The following ZNF638 variants were observed in gnomAD, a reference collection of about 807,000 sequenced individuals.
ZNF638 encodes CTCL tumor antigen se33-1.
Under a neutral mutation model 195.6 loss-of-function variants are expected in ZNF638, and 46 were observed. The ratio of observed to expected loss-of-function variants is 0.24; its 90% confidence interval spans 0.19 to 0.30. The LOEUF is 0.30. Ranked by LOEUF, ZNF638 falls within the 10% of genes least tolerant of loss-of-function variation. ZNF638 has a pLI of 1.00. For synonymous variants in ZNF638, 845 were observed against 772.0 expected (o/e 1.09, Z -1.57); for missense variants, 2,440 against 2,325.3 (o/e 1.05, Z -1.01).
At chr2:71,347,387 G>A (rs1266460542) in intron 1 of ZNF638, among the ~76,000 whole-genome samples, 2 of 151,970 alleles carry the variant, frequency 1.3e-5, no homozygotes, top group Non-Finnish European at 2.9e-5. Flanking sequence ...AGGGAAGGGT[G>A]TTAACCAGAT....
At chr2:71,366,335 G>T (rs1267431518) in intron 6 of ZNF638, among the ~76,000 whole-genome samples, 1 of 150,154 alleles carries the variant, frequency 6.7e-6, no homozygotes, top group Non-Finnish European at 1.5e-5. Context: ...ACTCCAGCCT[G>T]AACTACAGAA....
At chr2:71,427,494 A>T in intron 24 of ZNF638, 80 bp downstream of exon 24, 1 of 1,044,812 alleles carries the variant, frequency 9.6e-7, no homozygotes, top group South Asian at 1.8e-5. Context: ...ATGTTGTGGC[A>T]TTACCAATAA....
intron 1 of ZNF638, among the ~76,000 whole-genome samples, chr2:71,339,155 T>TG (rs2078721011): frequency 1.5e-5 from 2 of 136,132 alleles, no homozygotes; most frequent in African/African-American, 6.5e-5. Context: ...TTTAGGTTTT[T>TG]TTTTTTTTTT....
chr2:71,397,367 T>C lies in ZNF638; in HGVS notation c.2428+1176T>C, dbSNP rs148844266. On this transcript the variant is annotated intron_variant, in intron 11 of 27. Transcript: ENST00000264447. ...GTTTACTGCAGTGTGGCAAAAGTCG[T>C]GAATGACAAGTTACGTGACAAGCTA... Among the ~76,000 whole-genome samples, 942 of 152,326 alleles carry C rather than the reference T, an allele frequency of 6.2e-3. 6 individuals are homozygous for C. The highest frequency in any genetic ancestry group is 0.02 in the African/African-American group (823 of 41,570).
In ZNF638 at chr2:71,354,581, C is replaced by A. The variant is rs1016271894; in HGVS notation, c.1318-1138C>A. ...TGAAACCCTGTCTCTATTAAAAATACAAAAATTCACCAGGCTTGGTGGCAC... is the reference window on the plus strand; with the variant it reads ...TGAAACCCTGTCTCTATTAAAAATAAAAAAATTCACCAGGCTTGGTGGCAC... On this transcript the variant is annotated intron_variant, in intron 2 of 27. Coordinates refer to ENST00000264447, the MANE Select transcript of ZNF638 (RefSeq NM_014497.5). 3.9e-5 allele frequency among the ~76,000 whole-genome samples: 6 copies of A among 152,000 alleles called. No homozygotes were observed. In the South Asian group the frequency reaches 8.3e-4, roughly 21 times the overall value.
chr2:71,396,318 A>G, intron 11 of ZNF638, 127 bp downstream of exon 11: 1 of 699,112 alleles, frequency 1.4e-6, no homozygotes, highest in Non-Finnish European at 2.4e-6. Context: ...AATCTTTGAG[A>G]TTTATAATCA....
intron 8 of ZNF638, chr2:71,375,790 T>G (rs191475641): frequency 2.6e-5 from 4 of 152,314 alleles, no homozygotes; most frequent in Non-Finnish European, 5.9e-5. Context: ...CCTAGCAGAT[T>G]GATTAAAGTG....
At chr2:71,422,422 G>A (rs2080451486) in intron 21 of ZNF638, among the ~76,000 whole-genome samples, 1 of 152,042 alleles carries the variant, frequency 6.6e-6, no homozygotes, top group South Asian at 2.1e-4. Flanking sequence ...TGGATCATTA[G>A]TTTTATTGTA....
intron 20 of ZNF638, among the ~76,000 whole-genome samples, chr2:71,417,439 G>T (rs2080322612): frequency 6.6e-6 from 1 of 152,080 alleles, no homozygotes; most frequent in Non-Finnish European, 1.5e-5. Context: ...CCCGTCTTCT[G>T]CGTCGCTCAC....
rs112710349 is a variant in ZNF638, at chr2:71,402,103, T to C, written c.2829+16T>C. The C allele has an allele frequency of 3.8e-6, 6 of 1,598,260 alleles. No homozygotes were observed. The African/African-American group carries it at 4.0e-5, about 11-fold the overall frequency. ...TCATAAAAAGGTAAGAGTTGATTAA[T>C]AGCTGTTCATATCCTCTGCAAGCAT... On this transcript the variant is annotated intron_variant, in intron 16 of 27. Transcript: ENST00000264447.
chr2:71,338,421 T>C (rs1288624918), intron 1 of ZNF638, among the ~76,000 whole-genome samples: 2 of 152,224 alleles, frequency 1.3e-5, no homozygotes, highest in Non-Finnish European at 2.9e-5. Flanking sequence ...CAGTTCTTTC[T>C]TGCTTTCTCC....
At chr2:71,343,700 T>A (rs187775456) in intron 1 of ZNF638, among the ~76,000 whole-genome samples, 241 of 152,290 alleles carry the variant, frequency 1.6e-3, no homozygotes, top group Non-Finnish European at 2.1e-3. Flanking sequence ...TTTCTTAACC[T>A]TTTTGGGTCA....
At position 71,348,864 on chromosome 2, in the gene ZNF638, T is replaced by A; in HGVS notation, c.-91T>A. 1 of 1,612,622 alleles carries A rather than the reference T, an allele frequency of 6.2e-7. No individual in the cohort carries two copies. The highest frequency in any genetic ancestry group is 8.5e-7 in the Non-Finnish European group (1 of 1,179,898). On this transcript the variant is annotated 5_prime_UTR_variant, in exon 2 of 28. Coordinates refer to ENST00000264447, the MANE Select transcript of ZNF638 (RefSeq NM_014497.5). ...CTTTGCACTTTGCTCAGATTAAGAC[T>A]CAGTTGGCGCTTCAGCAGCTGAATG...
intron 15 of ZNF638, 23 bp from the exon 16 acceptor site, chr2:71,401,933 G>T: frequency 1.3e-6 from 2 of 1,540,200 alleles, no homozygotes; most frequent in Non-Finnish European, 1.8e-6. Context: ...TTTAATAACA[G>T]GTTTTAAAAA....
intron 1 of ZNF638, among the ~76,000 whole-genome samples, chr2:71,334,758 A>C (rs1024041908): frequency 5.9e-5 from 9 of 152,080 alleles, no homozygotes; most frequent in African/African-American, 2.2e-4. Flanking sequence ...TCTCTACTAA[A>C]AATAGAAAAA....
chr2:71,349,405 A>G lies in ZNF638; in HGVS notation c.451A>G (p.Asn151Asp). ...TATCTTAGCAAGTTTTGGATTATCT[A>G]ATGAAGACCTAGAAGAACTTAGTCG... ...SSILASFGLS[N>D]EDLEELSRYP... The change falls in exon 2 of 28, where the codon AAT becomes GAT. Residue 151 changes from asparagine (N) to aspartate (D), a missense_variant. Asn to Asp is a conservative substitution (Grantham distance 23). Coordinates refer to ENST00000264447, the MANE Select transcript of ZNF638 (RefSeq NM_014497.5). 1.2e-6 allele frequency: 2 copies of G among 1,614,206 alleles called. No homozygotes were observed. Among genetic ancestry groups the G allele is most frequent in the Non-Finnish European group, 1.7e-6 (2 of 1,180,036 alleles).
chr2:71,426,450 T>A lies in ZNF638; in HGVS notation c.4591-10T>A, dbSNP rs756006270. ...TGTTTACAATACTATGATTTTTAAC[T>A]TTCCAACAGGAGCCATTATTTCCAT... On this transcript the variant is annotated splice_polypyrimidine_tract_variant and intron_variant, in intron 23 of 27. Transcript: ENST00000264447. The A allele has an allele frequency of 2.6e-6, 4 of 1,544,394 alleles. No homozygotes were observed. In the South Asian group the frequency reaches 5.1e-5, roughly 20 times the overall value.
chr2:71,390,289 C>G lies in ZNF638; in HGVS notation c.2378-5852C>G, dbSNP rs185069669. Among the ~76,000 whole-genome samples the G allele has an allele frequency of 1.4e-3, 218 of 152,322 alleles. 3 individuals carry two copies. Among genetic ancestry groups the G allele is most frequent in the Admixed American group, 0.012 (185 of 15,302 alleles). On this transcript the variant is annotated intron_variant, in intron 10 of 27. Transcript: ENST00000264447. ...TTGGAAAGCCCACAGTCCACTCTCT[C>G]AGAACAGCCACCTCTGGGAGCGCAG...
chr2:71,431,771 A>AAAT (rs1287101704), intron 26 of ZNF638, among the ~76,000 whole-genome samples: 1 of 152,058 alleles, frequency 6.6e-6, no homozygotes, highest in Non-Finnish European at 1.5e-5. Flanking sequence ...AAAAAAAAAA[A>AAAT]AAACAAAAAC....
Sources: gnomAD v4.1 joint callset for allele counts (sites outside exome capture counted in the v4.1 genomes callset) on GRCh38, gnomAD v4.1.1 for gene constraint, MANE v1.5 for transcripts, NCBI Gene and HGNC (gene_info 2026-07-23, HGNC 2026-07-21) for gene names.